The following GARNL3 variants were observed in gnomAD, a reference collection of about 807,000 sequenced individuals.
GARNL3 encodes GTPase activating Rap/RanGAP domain like 3, also known as GTPase-activating Rap/Ran-GAP domain-like protein 3.
A neutral mutation model predicts 125.0 loss-of-function variants in GARNL3; 63 were observed. The observed-to-expected ratio is 0.50, with a 90% CI of 0.41 to 0.62. GARNL3 has a LOEUF of 0.62. Among genes scored for constraint, GARNL3 ranks in the 20% least tolerant of loss-of-function variants. The probability of loss-of-function intolerance (pLI) is 0.00; values close to 1 mark genes in which losing one functional copy is unlikely to be tolerated. For missense variants in GARNL3, 994 were observed against 1,244.0 expected, an observed-to-expected ratio of 0.80 and a Z score of 3.02; for synonymous variants, 439 against 457.5, an observed-to-expected ratio of 0.96 and a Z score of 0.52.
At position 127,280,050 on chromosome 9, in the gene GARNL3, G is replaced by A. The variant is rs954160455; in HGVS notation, c.145-11118G>A. Among the ~76,000 whole-genome samples the A allele has an allele frequency of 1.3e-5, 2 of 152,104 alleles. No homozygotes were observed. The highest frequency in any genetic ancestry group is 4.8e-5 in the African/African-American group (2 of 41,410). On this transcript the variant is annotated intron_variant, in intron 1 of 27. Coordinates refer to ENST00000373387, the MANE Select transcript of GARNL3 (RefSeq NM_032293.5). The surrounding 1 kb of genome is among the most constrained non-coding windows in gnomAD (Gnocchi z 4.5). ...CGGCTCTAGAATTTATACATAACAG[G>A]GGCTTAGGAACTACCAGTAGCAGTC...
intron 7 of GARNL3, among the ~76,000 whole-genome samples, chr9:127,331,407 T>C (rs1187199789): frequency 1.3e-5 from 2 of 151,822 alleles, no homozygotes; most frequent in East Asian, 1.9e-4. Context: ...GCAGGGGAAT[T>C]GCTTGAACCA....
intron 12 of GARNL3, among the ~76,000 whole-genome samples, 196 bp downstream of exon 12, chr9:127,338,357 C>T (rs1829668577): frequency 6.6e-6 from 1 of 152,180 alleles, no homozygotes; most frequent in Admixed American, 6.5e-5. Context: ...ATGAAGGAGA[C>T]CTAGGGGTCA....
chr9:127,326,661 G>A (rs1457727819), intron 7 of GARNL3, among the ~76,000 whole-genome samples: 1 of 152,108 alleles, frequency 6.6e-6, no homozygotes, highest in African/African-American at 2.4e-5. Context: ...AGAGTACTAT[G>A]GTCTGAATGC....
rs1588975208 is a variant in GARNL3, at chr9:127,383,489, T to C, written c.2213T>C (p.Val738Ala). The C allele has an allele frequency of 1.2e-6, 2 of 1,613,856 alleles. No homozygotes were observed. The highest frequency in any genetic ancestry group is 3.3e-5 in the Admixed American group (2 of 59,958). The change falls in exon 23 of 28, where the codon GTT becomes GCT. Residue 738 changes from valine to alanine, a missense_variant. Around this residue, in one of 5 missense-constraint regions of GARNL3, gnomAD observed 728 missense variants for 865.7 expected, o/e 0.84. Coordinates refer to ENST00000373387, the MANE Select transcript of GARNL3 (RefSeq NM_032293.5). ...CCCTTTAATGGTGGCTCTTTTTTGG[T>C]TCAACCTTCTGCGTCAGATTTCCAG... ...VCPFNGGSFL[V>A]QPSASDFQFC...
chr9:127,391,593 G>A (rs1325239590), intron 27 of GARNL3, among the ~76,000 whole-genome samples: 1 of 138,760 alleles, frequency 7.2e-6, no homozygotes, highest in African/African-American at 2.6e-5. Flanking sequence ...CCAGTTACTT[G>A]GGAGGCTAAG....
intron 12 of GARNL3, among the ~76,000 whole-genome samples, chr9:127,339,140 AC>A (rs1386045525): frequency 4.0e-5 from 6 of 151,694 alleles, no homozygotes; most frequent in East Asian, 1.9e-4. Flanking sequence ...TACTAAAAAT[AC>A]AAAAAATTAG....
At chr9:127,306,386 C>G (rs1262847204) in intron 2 of GARNL3, among the ~76,000 whole-genome samples, 2 of 151,838 alleles carry the variant, frequency 1.3e-5, no homozygotes, top group South Asian at 4.2e-4. Flanking sequence ...AGTTCGAGAC[C>G]AGCCTGGCCA....
chr9:127,260,928 A>T (rs896653337), upstream of GARNL3, among the ~76,000 whole-genome samples: 1 of 152,164 alleles, frequency 6.6e-6, no homozygotes, highest in African/African-American at 2.4e-5. Flanking sequence ...TTGCTCACTC[A>T]TATCAGAGCC....
At chr9:127,233,884 T>C (rs965730511) in intron 1 of GARNL3, among the ~76,000 whole-genome samples, 11 of 152,246 alleles carry the variant, frequency 7.2e-5, no homozygotes, top group African/African-American at 2.7e-4. Flanking sequence ...TTCTTGGGAC[T>C]CTTAGAGTTT....
At chr9:127,334,213 G>T (rs1279801646) in intron 9 of GARNL3, among the ~76,000 whole-genome samples, 1 of 152,214 alleles carries the variant, frequency 6.6e-6, no homozygotes, top group Non-Finnish European at 1.5e-5. Context: ...AAGATTACAA[G>T]CTTAGGGTTG....
intron 2 of GARNL3, among the ~76,000 whole-genome samples, chr9:127,250,051 G>A (rs1356478261): frequency 6.6e-6 from 1 of 152,176 alleles, no homozygotes; most frequent in Non-Finnish European, 1.5e-5. Context: ...ACTGATGGAA[G>A]GATTGCTGAG....
intron 7 of GARNL3, among the ~76,000 whole-genome samples, chr9:127,331,157 C>T (rs1307194940): frequency 6.6e-6 from 1 of 151,244 alleles, no homozygotes; most frequent in Admixed American, 6.6e-5. Context: ...TTCAGGTATA[C>T]AAAAAAAAGT....
At chr9:127,369,118 T>TAAAAAAA (rs58643324) in intron 22 of GARNL3, 1 of 126,778 alleles carries the variant, frequency 7.9e-6, no homozygotes, top group Non-Finnish European at 1.6e-5. Context: ...GGTGTTCAGT[T>TAAAAAAA]AAAAAAAAAA....
At chr9:127,357,862 C>T (rs2131683170) in intron 21 of GARNL3, among the ~76,000 whole-genome samples, 1 of 152,132 alleles carries the variant, frequency 6.6e-6, no homozygotes, top group South Asian at 2.1e-4. Context: ...GATGATTTGT[C>T]CTGGGAGGGT....
At chr9:127,376,966 A>C (rs1187608603) in intron 22 of GARNL3, among the ~76,000 whole-genome samples, 1 of 152,230 alleles carries the variant, frequency 6.6e-6, no homozygotes, top group Non-Finnish European at 1.5e-5. Flanking sequence ...TCTTGCAAAG[A>C]TGTATATTTC....
intron 22 of GARNL3, among the ~76,000 whole-genome samples, chr9:127,378,118 G>A (rs1832026531): frequency 6.6e-6 from 1 of 151,766 alleles, no homozygotes; most frequent in Non-Finnish European, 1.5e-5. Context: ...GCACATGCTT[G>A]TAATCCCAGC....
At position 127,293,110 on chromosome 9, in the gene GARNL3, G is replaced by C. The variant is rs1226472768; in HGVS notation, c.219+1868G>C. Among the ~76,000 whole-genome samples the C allele has an allele frequency of 2.0e-5, 3 of 152,300 alleles. No individual in the cohort carries two copies. The East Asian group carries it at 5.8e-4, about 29-fold the overall frequency. Reference sequence around the variant, plus strand: ...GGCTGTTTTGTATTGGTGGTCTTCAGTTAAAAGTTTCTGGCCAATGGTACT... The same window carrying C: ...GGCTGTTTTGTATTGGTGGTCTTCACTTAAAAGTTTCTGGCCAATGGTACT... On this transcript the variant is annotated intron_variant, in intron 2 of 27. Transcript: ENST00000373387.
At position 127,242,353 on chromosome 9, in the gene GARNL3, G is replaced by A. The variant is rs896614749; in HGVS notation, c.-28-726G>A. The stretch of plus-strand genomic sequence containing the variant: ...GAGGTAGAGGTGAGTGAAGAGCCCT[G>A]CTAATTGGCTCAGAAAATAATTCCA... On this transcript the variant is annotated intron_variant, in intron 1 of 10. Transcript: ENST00000439286. The surrounding 1 kb of genome is among the most constrained non-coding windows in gnomAD (Gnocchi z 4.6). Among the ~76,000 whole-genome samples, 1 of 152,250 alleles carries A rather than the reference G, an allele frequency of 6.6e-6. No individual in the cohort carries two copies. The highest frequency in any genetic ancestry group is 6.5e-5 in the Admixed American group (1 of 15,294).
At chr9:127,243,369 G>C (rs2063237783) in intron 2 of GARNL3, 5 of 740,982 alleles carry the variant, frequency 6.7e-6, no homozygotes, top group African/African-American at 1.8e-5. Flanking sequence ...GAGGGAGAGA[G>C]GAGTGGATGT....
Sources: gnomAD v4.1 joint callset for allele counts (sites outside exome capture counted in the v4.1 genomes callset) on GRCh38, gnomAD v4.1.1 for gene constraint, gnomAD v4.1.1 regional missense constraint, Gnocchi (gnomAD v3.1) non-coding constraint, MANE v1.5 for transcripts, NCBI Gene and HGNC (gene_info 2026-07-23, HGNC 2026-07-21) for gene names.